Variants in ANKS1B observed in about 807,000 individuals in gnomAD.
ANKS1B encodes ankyrin repeat and sterile alpha motif domain containing 1B.
In ANKS1B, 36 loss-of-function variants were observed where a neutral mutation model predicts 148.3. That is an observed-to-expected ratio of 0.24 (90% CI 0.19 to 0.32). The LOEUF is 0.32. Ranked by LOEUF, ANKS1B falls within the 10% of genes least tolerant of loss-of-function variation. The pLI is 1.00. For missense variants in ANKS1B, 1,157 were observed against 1,542.6 expected (o/e 0.75, Z 4.19); for synonymous variants, 542 against 560.8 (o/e 0.97, Z 0.47).
At chr12:98,988,896 T>C (rs899105869) in intron 17 of ANKS1B, among the ~76,000 whole-genome samples, 2 of 152,232 alleles carry the variant, frequency 1.3e-5, no homozygotes, top group Non-Finnish European at 2.9e-5. Flanking sequence ...ATTTTGTATA[T>C]GTTCTTTGGA....
chr12:99,482,643 A>G (rs1304907040), intron 10 of ANKS1B, among the ~76,000 whole-genome samples: 1 of 150,886 alleles, frequency 6.6e-6, no homozygotes, highest in Non-Finnish European at 1.5e-5. Context: ...TTCCATGAGC[A>G]TGGGGTGAGT....
intron 12 of ANKS1B, among the ~76,000 whole-genome samples, chr12:99,387,191 C>T (rs973287233): frequency 2.6e-5 from 4 of 152,166 alleles, no homozygotes; most frequent in Non-Finnish European, 4.4e-5. Context: ...CTGGCATAGA[C>T]ATAATGTTTG....
At chr12:98,979,354 G>A (rs967611161) in intron 17 of ANKS1B, among the ~76,000 whole-genome samples, 12 of 151,110 alleles carry the variant, frequency 7.9e-5, no homozygotes, top group Admixed American at 1.3e-4. Context: ...TGCAACCCCC[G>A]CCTCCCGGGT....
At chr12:99,749,502 T>C (rs1192127682) in intron 8 of ANKS1B, among the ~76,000 whole-genome samples, 1 of 152,044 alleles carries the variant, frequency 6.6e-6, no homozygotes, top group Non-Finnish European at 1.5e-5. Context: ...CGCTAACACA[T>C]TCCTTTTCTG....
At chr12:99,431,804 A>G (rs1025226430) in intron 11 of ANKS1B, among the ~76,000 whole-genome samples, 7 of 152,208 alleles carry the variant, frequency 4.6e-5, no homozygotes, top group Non-Finnish European at 2.9e-5. Flanking sequence ...TCCCTGGACT[A>G]TGTATCTGCC....
chr12:99,154,969 C>A (rs1286951250), intron 14 of ANKS1B: 1 of 1,535,434 alleles, frequency 6.5e-7, no homozygotes, highest in Admixed American at 2.0e-5. Context: ...CTCCTACACA[C>A]CCATCCAAGC....
chr12:99,035,876 C>T (rs1276205718), intron 17 of ANKS1B, among the ~76,000 whole-genome samples: 1 of 152,116 alleles, frequency 6.6e-6, no homozygotes, highest in Non-Finnish European at 1.5e-5. Context: ...GGCTGGGCTT[C>T]GGGAAGGGTG....
chr12:99,835,807 A>G (rs1249745774), intron 1 of ANKS1B, among the ~76,000 whole-genome samples: 1 of 152,218 alleles, frequency 6.6e-6, no homozygotes, highest in Non-Finnish European at 1.5e-5. Flanking sequence ...AGTATAAGGA[A>G]GAGTAGCTAA....
At chr12:99,660,311 G>C (rs1014085509) in intron 8 of ANKS1B, among the ~76,000 whole-genome samples, 2 of 151,026 alleles carry the variant, frequency 1.3e-5, no homozygotes, top group Non-Finnish European at 2.9e-5. Context: ...TCATAAATGA[G>C]AAATTGTATA....
At chr12:99,930,965 T>C (rs1183125731) in intron 1 of ANKS1B, among the ~76,000 whole-genome samples, 2 of 152,130 alleles carry the variant, frequency 1.3e-5, no homozygotes, top group Non-Finnish European at 2.9e-5. Flanking sequence ...AATGATAGAC[T>C]GGATTAAGAA....
intron 17 of ANKS1B, among the ~76,000 whole-genome samples, chr12:98,971,420 AT>A (rs1245279198): frequency 1.3e-5 from 2 of 152,244 alleles, no homozygotes; most frequent in East Asian, 3.8e-4. Flanking sequence ...CACTTTAGAA[AT>A]TCCTCTTTGA....
intron 12 of ANKS1B, among the ~76,000 whole-genome samples, chr12:99,353,779 G>C (rs1430822021): frequency 7.5e-6 from 1 of 132,890 alleles, no homozygotes. Flanking sequence ...TCTAGGGCCA[G>C]GTCCCTTAGA....
intron 8 of ANKS1B, among the ~76,000 whole-genome samples, chr12:99,713,632 G>A (rs757309469): frequency 6.6e-5 from 10 of 152,108 alleles, no homozygotes; most frequent in South Asian, 6.2e-4. Flanking sequence ...AATTCCATCT[G>A]GGCCATTATG....
At chr12:98,926,180 T>C (rs2099807906) in intron 17 of ANKS1B, among the ~76,000 whole-genome samples, 1 of 152,154 alleles carries the variant, frequency 6.6e-6, no homozygotes, top group African/African-American at 2.4e-5. Context: ...TGGTAGAGCA[T>C]TGAAGACACA....
intron 17 of ANKS1B, among the ~76,000 whole-genome samples, chr12:99,050,024 G>A (rs903764014): frequency 4.6e-5 from 7 of 152,158 alleles, no homozygotes; most frequent in Admixed American, 1.3e-4. Context: ...CATTACAATG[G>A]TTCAGGATGT....
At chr12:99,061,603 C>T (rs1389321742) in intron 16 of ANKS1B, among the ~76,000 whole-genome samples, 1 of 152,326 alleles carries the variant, frequency 6.6e-6, no homozygotes, top group East Asian at 1.9e-4. Flanking sequence ...ACCTTGTAAA[C>T]CTGCACTGCT....
chr12:98,872,065 C>T (rs1195292754), intron 17 of ANKS1B, among the ~76,000 whole-genome samples: 2 of 152,162 alleles, frequency 1.3e-5, no homozygotes, highest in Admixed American at 1.3e-4. Context: ...AAGAGCTCAT[C>T]ATATATCCTT....
intron 9 of ANKS1B, among the ~76,000 whole-genome samples, chr12:99,573,021 C>T (rs952413985): frequency 6.6e-6 from 1 of 151,958 alleles, no homozygotes; most frequent in Non-Finnish European, 1.5e-5. Context: ...TCAAATAAAA[C>T]TTTAAAGAGC....
At chr12:99,383,502 T>G (rs1215504311) in intron 12 of ANKS1B, among the ~76,000 whole-genome samples, 1 of 152,240 alleles carries the variant, frequency 6.6e-6, no homozygotes, top group East Asian at 1.9e-4. Flanking sequence ...GACCATATCA[T>G]GTTCTCACTT....
Sources: gnomAD v4.1 joint callset for allele counts (sites outside exome capture counted in the v4.1 genomes callset) on GRCh38, gnomAD v4.1.1 for gene constraint, MANE v1.5 for transcripts, NCBI Gene and HGNC (gene_info 2026-07-23, HGNC 2026-07-21) for gene names.